The following ASTN1 variants were observed in gnomAD, a reference collection of about 807,000 sequenced individuals.
ASTN1 encodes the protein astrotactin 1, also known as astrotactin-1.
In ASTN1, 41 loss-of-function variants were observed where a neutral mutation model predicts 140.7. That is an observed-to-expected ratio of 0.29 (90% CI 0.23 to 0.38). The LOEUF is 0.38. Ranked by LOEUF, ASTN1 falls within the 10% of genes least tolerant of loss-of-function variation. The pLI is 1.00. For missense variants in ASTN1, 1,479 were observed against 1,678.8 expected (o/e 0.88, Z 2.08); for synonymous variants, 640 against 652.2 (o/e 0.98, Z 0.29).
chr1:177,107,758 C>T (rs1680621166), intron 1 of ASTN1, among the ~76,000 whole-genome samples: 1 of 152,174 alleles, frequency 6.6e-6, no homozygotes, highest in African/African-American at 2.4e-5. Flanking sequence ...GTATACTGCA[C>T]TATTCCTTCC....
chr1:177,063,765 G>A (rs549148276), intron 1 of ASTN1, among the ~76,000 whole-genome samples: 6 of 152,146 alleles, frequency 3.9e-5, no homozygotes, highest in East Asian at 1.9e-4. Flanking sequence ...TTATTGCAGC[G>A]GAAACCAAAC....
chr1:177,149,345 G>C (rs1356970724), intron 1 of ASTN1, among the ~76,000 whole-genome samples: 7 of 64,680 alleles, frequency 1.1e-4, no homozygotes, highest in African/African-American at 6.0e-4. Flanking sequence ...TATATATATA[G>C]TATATATATA....
chr1:176,918,173 C>T (rs922687303), intron 16 of ASTN1, among the ~76,000 whole-genome samples: 1 of 152,096 alleles, frequency 6.6e-6, no homozygotes, highest in African/African-American at 2.4e-5. Flanking sequence ...GCACCCCCTA[C>T]CCCAACCTTT....
At chr1:176,968,453 C>T (rs1483741413) in intron 8 of ASTN1, among the ~76,000 whole-genome samples, 2 of 152,160 alleles carry the variant, frequency 1.3e-5, no homozygotes, top group Non-Finnish European at 2.9e-5. Context: ...TATGGAAAGG[C>T]CAAAGCCCCG....
chr1:176,922,296 C>T (rs191087072), intron 16 of ASTN1, among the ~76,000 whole-genome samples: 159 of 151,930 alleles, frequency 1.0e-3, no homozygotes, highest in Non-Finnish European at 2.0e-3. Flanking sequence ...TGTATGCAGC[C>T]TGTGGAACCA....
intron 2 of ASTN1, among the ~76,000 whole-genome samples, chr1:177,039,946 G>C (rs4652221): frequency 0.52 from 79,208 of 152,062 alleles, 21,492 homozygotes; most frequent in Non-Finnish European, 0.6. Context: ...AAGCAGATCC[G>C]CTCTTCCCCA....
intron 1 of ASTN1, among the ~76,000 whole-genome samples, chr1:177,079,695 AC>A (rs1679085667): frequency 6.6e-6 from 1 of 152,104 alleles, no homozygotes; most frequent in Admixed American, 6.5e-5. Flanking sequence ...GAACACAAGT[AC>A]TACAAAGACA....
Position 176,864,401 on chromosome 1 carries a change from G to A in ASTN1, c.3768C>T (p.Ser1256=), listed in dbSNP as rs775778794. 8.7e-6 allele frequency: 14 copies of A among 1,613,980 alleles called. No homozygotes were observed. Among genetic ancestry groups the A allele is most frequent in the African/African-American group, 5.3e-5 (4 of 74,884 alleles). The change falls in exon 23 of 23, where the codon AGC becomes AGT. Residue 1256 remains serine (S), a synonymous_variant. Coordinates refer to ENST00000361833, the MANE Select transcript of ASTN1 (RefSeq NM_004319.3). The part of the protein sequence containing the change: ...SSLKYLGCRY[S]EIKPYGLDWA... ...AGTCAAGTCCGTAGGGTTTGATCTC[G>A]CTGTAGCGGCACCCCAGGTACTTGA...
In ASTN1 at chr1:176,946,019, G is replaced by A. The variant is rs778224101; in HGVS notation, c.2156C>T (p.Pro719Leu). Residue 719 changes from proline to leucine, a missense_variant, in exon 13 of 23, where the codon CCC becomes CTC. Pro to Leu is a moderately conservative substitution (Grantham distance 98, BLOSUM62 -3). Coordinates refer to ENST00000361833, the MANE Select transcript of ASTN1 (RefSeq NM_004319.3). ...GSDCGESRELPMNQTLFGEMF... is the reference protein window; with the variant it reads ...GSDCGESRELLMNQTLFGEMF... ...CTCCCCAAAGAGGGTCTGGTTCATG[G>A]GAAGCTCCCTGCTTTCCCCACAGTC... The A allele has an allele frequency of 6.2e-6, 10 of 1,614,112 alleles. No homozygotes were observed. The South Asian group carries it at 1.1e-4, about 18-fold the overall frequency.
At position 176,971,334 on chromosome 1, in the gene ASTN1, T is replaced by C. The variant is rs377605987; in HGVS notation, c.1524-6097A>G. Among the ~76,000 whole-genome samples the C allele has an allele frequency of 7.2e-5, 11 of 152,314 alleles. No individual in the cohort carries two copies. In the East Asian group the frequency reaches 2.1e-3, roughly 29 times the overall value. On this transcript the variant is annotated intron_variant, in intron 8 of 22. Coordinates refer to ENST00000361833, the MANE Select transcript of ASTN1 (RefSeq NM_004319.3). ...ATGTCACTATCTTCACAATCATTAC[T>C]AGTTCTGGGAAAAATAAGTACTTGG...
At chr1:176,921,788 A>C (rs1450701059) in intron 16 of ASTN1, among the ~76,000 whole-genome samples, 3 of 152,170 alleles carry the variant, frequency 2.0e-5, no homozygotes, top group Non-Finnish European at 4.4e-5. Context: ...TGGAGATATG[A>C]AAGGAGGGAT....
chr1:177,105,172 G>C (rs1680492412), intron 1 of ASTN1, among the ~76,000 whole-genome samples: 3 of 152,100 alleles, frequency 2.0e-5, no homozygotes, highest in Admixed American at 2.0e-4. Context: ...CGAAAAGAGT[G>C]AGAGAAGATT....
chr1:176,962,087 G>A (rs1329297368), intron 9 of ASTN1, among the ~76,000 whole-genome samples: 1 of 152,220 alleles, frequency 6.6e-6, no homozygotes, highest in African/African-American at 2.4e-5. Flanking sequence ...CGCTTCCTCA[G>A]AGCAGGCTAT....
intron 8 of ASTN1, 63 bp downstream of exon 8, chr1:177,014,728 G>T (rs181874078): frequency 1.4e-6 from 2 of 1,460,424 alleles, no homozygotes; most frequent in Admixed American, 3.4e-5. Flanking sequence ...GTTGCTCCAC[G>T]TCATGTCTGT....
At chr1:177,115,032 G>C (rs1345118487) in intron 1 of ASTN1, among the ~76,000 whole-genome samples, 1 of 151,978 alleles carries the variant, frequency 6.6e-6, no homozygotes, top group Non-Finnish European at 1.5e-5. Context: ...GTAGAAGGAA[G>C]AGGAAGGGAA....
chr1:177,158,056 T>C (rs1229827323), intron 1 of ASTN1, among the ~76,000 whole-genome samples: 1 of 152,208 alleles, frequency 6.6e-6, no homozygotes, highest in Non-Finnish European at 1.5e-5. Context: ...TTCTCATGTA[T>C]ACATGTAAAA....
chr1:177,132,939 T>G, intron 1 of ASTN1, among the ~76,000 whole-genome samples: 1 of 152,198 alleles, frequency 6.6e-6, no homozygotes, highest in East Asian at 1.9e-4. Context: ...TATTGGTGGT[T>G]TCCCTCTCCT....
chr1:177,002,570 A>AT (rs1674783736), intron 8 of ASTN1, among the ~76,000 whole-genome samples: 1 of 152,130 alleles, frequency 6.6e-6, no homozygotes, highest in African/African-American at 2.4e-5. Flanking sequence ...TTTTTTCTAG[A>AT]TTTTTTATCA....
At chr1:177,041,240 T>C (rs923123515) in intron 2 of ASTN1, among the ~76,000 whole-genome samples, 2 of 152,164 alleles carry the variant, frequency 1.3e-5, no homozygotes, top group Non-Finnish European at 2.9e-5. Context: ...AGGTCCTTCA[T>C]CCCTCTGGAT....
Sources: gnomAD v4.1 joint callset for allele counts (sites outside exome capture counted in the v4.1 genomes callset) on GRCh38, gnomAD v4.1.1 for gene constraint, MANE v1.5 for transcripts, NCBI Gene and HGNC (gene_info 2026-07-23, HGNC 2026-07-21) for gene names.